The following UBXN7 variants were observed in gnomAD, a reference collection of about 807,000 sequenced individuals.
UBXN7 encodes UBX domain protein 7.
Under a neutral mutation model 58.0 loss-of-function variants are expected in UBXN7, and 9 were observed. The ratio of observed to expected loss-of-function variants is 0.16; its 90% confidence interval spans 0.09 to 0.27. UBXN7 has a LOEUF of 0.27. UBXN7 is among the 10% of genes least tolerant of loss of function. The probability of loss-of-function intolerance (pLI) is 1.00; values close to 1 mark genes in which losing one functional copy is unlikely to be tolerated. For synonymous variants in UBXN7, 208 were observed against 205.0 expected (o/e 1.01, Z -0.12); for missense variants, 328 against 599.6 (o/e 0.55, Z 4.73).
At chr3:196,398,117 G>A (rs1729833833) in intron 3 of UBXN7, among the ~76,000 whole-genome samples, 1 of 152,114 alleles carries the variant, frequency 6.6e-6, no homozygotes, top group Non-Finnish European at 1.5e-5. Context: ...GCCCTCTCTG[G>A]CTCTCTCATT....
intron 3 of UBXN7, among the ~76,000 whole-genome samples, chr3:196,401,767 TTAAAAA>T (rs1402215452): frequency 1.2e-5 from 1 of 82,040 alleles, no homozygotes; most frequent in East Asian, 3.8e-4. Context: ...CATCTCTATT[TTAAAAA>T]AAAAAAAAAA....
chr3:196,358,742 ACAAC>A (rs1379238459), intron 10 of UBXN7, among the ~76,000 whole-genome samples: 2 of 152,146 alleles, frequency 1.3e-5, no homozygotes, highest in Non-Finnish European at 2.9e-5. Flanking sequence ...CTGTCTCAAA[ACAAC>A]CAACCAACCA....
chr3:196,348,346 A>G lies in UBXN7; in HGVS notation c.*8339T>C, dbSNP rs546479962. 2.0e-5 allele frequency: 3 copies of G among 152,288 alleles called. No individual in the cohort carries two copies. The highest frequency in any genetic ancestry group is 2.1e-4 in the South Asian group (1 of 4,814). 9.4% of individuals were successfully genotyped at this position (152,288 alleles called of 1,614,324 possible). A position where few individuals can be genotyped will look rare whatever the true frequency, so the allele number is the denominator to read the frequency against. On this transcript the variant is annotated 3_prime_UTR_variant, in exon 11 of 11. Transcript: ENST00000296328. Reference sequence around the variant, plus strand: ...GAAATCAACGGTATCTCCTAGCACCATTGGAGAAAAGGCCCAGAAAACAGA... The same window carrying G: ...GAAATCAACGGTATCTCCTAGCACCGTTGGAGAAAAGGCCCAGAAAACAGA...
chr3:196,432,336 T>C lies in UBXN7; in HGVS notation c.64A>G (p.Thr22Ala). Residue 22 changes from threonine to alanine, a missense_variant, in exon 1 of 11, where the codon ACC (threonine) becomes GCC (alanine). Coordinates refer to ENST00000296328, the MANE Select transcript of UBXN7 (RefSeq NM_015562.2). Reference protein sequence around the residue: ...ALKGLIQQFTTITGASESVGK... With the variant: ...ALKGLIQQFTAITGASESVGK... The stretch of plus-strand genomic sequence containing the variant: ...TAACCGCGTCTCTTACCGGTAATGG[T>C]GGTGAACTGTTGAATTAACCCCTTC... 6.2e-7 allele frequency: 1 copy of C among 1,612,270 alleles called. No individual in the cohort carries two copies. The highest frequency in any genetic ancestry group is 1.1e-5 in the South Asian group (1 of 91,040).
At chr3:196,423,696 C>A (rs1447429841) in intron 1 of UBXN7, among the ~76,000 whole-genome samples, 1 of 152,110 alleles carries the variant, frequency 6.6e-6, no homozygotes, top group Non-Finnish European at 1.5e-5. Flanking sequence ...TCTGACTTAT[C>A]CACTTGACAA....
intron 8 of UBXN7, among the ~76,000 whole-genome samples, chr3:196,367,352 G>C (rs903796953): frequency 6.6e-6 from 1 of 152,118 alleles, no homozygotes; most frequent in African/African-American, 2.4e-5. Context: ...CCTAGTAATA[G>C]TATATTCTAG....
At chr3:196,373,209 G>A (rs1410893411) in intron 5 of UBXN7, among the ~76,000 whole-genome samples, 1 of 152,180 alleles carries the variant, frequency 6.6e-6, no homozygotes, top group Non-Finnish European at 1.5e-5. Context: ...AAAAACTGCT[G>A]AGAGTTTTTT....
intron 5 of UBXN7, among the ~76,000 whole-genome samples, chr3:196,391,518 C>T (rs150773702): frequency 6.6e-6 from 1 of 151,950 alleles, no homozygotes; most frequent in South Asian, 2.1e-4. Context: ...ATTGCTTGAA[C>T]CTAGGCATTC....
intron 3 of UBXN7, among the ~76,000 whole-genome samples, chr3:196,400,916 T>A (rs1729942436): frequency 6.6e-6 from 1 of 151,930 alleles, no homozygotes; most frequent in African/African-American, 2.4e-5. Context: ...CCAAATCTAT[T>A]CCTAGCATTT....
At chr3:196,398,266 G>C (rs764924320) in intron 3 of UBXN7, among the ~76,000 whole-genome samples, 26 of 152,228 alleles carry the variant, frequency 1.7e-4, no homozygotes, top group Non-Finnish European at 3.4e-4. Context: ...CCTAACCAAA[G>C]GCCACACCCA....
rs1728849198 is a variant in UBXN7 at position 196,372,059 on chromosome 3, A to G, written c.469-17T>C. 1.9e-6 allele frequency: 3 copies of G among 1,573,812 alleles called. No individual in the cohort carries two copies. The highest frequency in any genetic ancestry group is 1.2e-5 in the South Asian group (1 of 85,438). ...CTCTTTGGCCTGCAAGAGTAAAGTT[A>G]CACATTTGTTAGAAATAATTTCTAC... is the stretch of plus-strand genomic sequence containing the variant. On this transcript the variant is annotated splice_polypyrimidine_tract_variant and intron_variant, in intron 5 of 10. Transcript: ENST00000296328.
intron 2 of UBXN7, among the ~76,000 whole-genome samples, chr3:196,404,789 C>T (rs1320158148): frequency 6.6e-6 from 1 of 152,092 alleles, no homozygotes; most frequent in African/African-American, 2.4e-5. Flanking sequence ...TGCTCACACA[C>T]AAAATTTCGA....
intron 5 of UBXN7, among the ~76,000 whole-genome samples, chr3:196,373,714 CT>C (rs1560222707): frequency 6.6e-6 from 1 of 151,680 alleles, no homozygotes; most frequent in Non-Finnish European, 1.5e-5. Flanking sequence ...AAATTATTTT[CT>C]TTTTTTGTTG....
At chr3:196,411,520 A>G (rs1280847164) in intron 1 of UBXN7, among the ~76,000 whole-genome samples, 1 of 152,244 alleles carries the variant, frequency 6.6e-6, no homozygotes, top group African/African-American at 2.4e-5. Context: ...GCTTCAAAAA[A>G]CTAGCAGATG....
At chr3:196,371,437 T>G (rs915046868) in intron 6 of UBXN7, among the ~76,000 whole-genome samples, 2 of 152,210 alleles carry the variant, frequency 1.3e-5, no homozygotes, top group Non-Finnish European at 2.9e-5. Context: ...AAAATTTAAA[T>G]TATGTGTACA....
At position 196,369,426 on chromosome 3, in the gene UBXN7, C is replaced by T. The variant is rs1728757184; in HGVS notation, c.701G>A (p.Arg234Gln). The T allele has an allele frequency of 3.1e-6, 5 of 1,610,434 alleles. No individual in the cohort carries two copies. Among genetic ancestry groups the T allele is most frequent in the African/African-American group, 1.3e-5 (1 of 74,870 alleles). The part of the protein sequence containing the change: ...DFPYVSILDP[R>Q]TGQKLVEWHQ... Reference sequence around the variant, plus strand: ...CGTGCTGATATAAATCTTACCTGTCCGTGGGTCCAATATGGAAACATAGGG... The same window carrying T: ...CGTGCTGATATAAATCTTACCTGTCTGTGGGTCCAATATGGAAACATAGGG... The change falls in exon 7 of 11, where the codon CGG (arginine) becomes CAG (glutamine). Residue 234 changes from arginine (R) to glutamine (Q), a missense_variant. By Grantham distance (43) the Arg-to-Gln change is conservative. Coordinates refer to ENST00000296328, the MANE Select transcript of UBXN7 (RefSeq NM_015562.2).
intron 1 of UBXN7, among the ~76,000 whole-genome samples, chr3:196,419,077 C>T (rs1055016084): frequency 5.3e-5 from 8 of 152,004 alleles, no homozygotes; most frequent in African/African-American, 1.9e-4. Flanking sequence ...ACCAGCCTGG[C>T]CCACATGGTG....
intron 2 of UBXN7, among the ~76,000 whole-genome samples, chr3:196,404,161 G>A (rs1481763503): frequency 6.6e-6 from 1 of 150,394 alleles, no homozygotes; most frequent in Non-Finnish European, 1.5e-5. Context: ...GCTGATTAAT[G>A]TTCACAGCAA....
At chr3:196,420,746 G>C (rs997180732) in intron 1 of UBXN7, among the ~76,000 whole-genome samples, 2 of 151,902 alleles carry the variant, frequency 1.3e-5, no homozygotes, top group African/African-American at 4.8e-5. Flanking sequence ...GCACCAAACG[G>C]CCTTCCTTAA....
Sources: allele counts gnomAD v4.1 joint callset (sites outside exome capture counted in the v4.1 genomes callset), GRCh38; gene constraint gnomAD v4.1.1; transcripts MANE v1.5; gene names NCBI Gene and HGNC (gene_info 2026-07-23, HGNC 2026-07-21).